Variants in ARPP21 observed in about 807,000 individuals in gnomAD.
The protein encoded by ARPP21 is cAMP-regulated phosphoprotein 21.
ARPP21 carries 69 observed loss-of-function variants against 113.2 expected under a neutral mutation model. The observed-to-expected ratio is 0.61, with a 90% CI of 0.50 to 0.74. The LOEUF is 0.74. Among genes scored for constraint, ARPP21 ranks in the 30% least tolerant of loss-of-function variants. The pLI is 0.00. For synonymous variants in ARPP21, 368 were observed against 375.5 expected (o/e 0.98, Z 0.23); for missense variants, 1,070 against 1,037.4 (o/e 1.03, Z -0.43).
intron 1 of ARPP21, among the ~76,000 whole-genome samples, chr3:35,646,327 CTCTGCATTTACATGTTTTTCT>C (rs1460007376): frequency 2.0e-5 from 3 of 152,054 alleles, no homozygotes; most frequent in African/African-American, 7.2e-5. Flanking sequence ...AAAAACTATA[CTCTGCATTTACATGTTTTTCT>C]TAGTGTTTTG....
rs540217296 is a variant in ARPP21 at position 35,671,246 on chromosome 3, G to C, written c.-212-8541G>C. On this transcript the variant is annotated intron_variant, in intron 1 of 20. Coordinates refer to ENST00000684406, the MANE Select transcript of ARPP21 (RefSeq NM_001385562.1). Reference sequence around the variant, plus strand: ...ACACCCATTCTCAGGTAGTTTTGTTGTTATTCTCTTGCGTTTTCCATTTAA... The same window carrying C: ...ACACCCATTCTCAGGTAGTTTTGTTCTTATTCTCTTGCGTTTTCCATTTAA... Among the ~76,000 whole-genome samples the C allele has an allele frequency of 1.2e-4, 18 of 152,174 alleles. No individual in the cohort carries two copies. The South Asian group carries it at 3.7e-3, about 32-fold the overall frequency.
In ARPP21 at chr3:35,761,455, G is replaced by A. The variant is rs1046408267; in HGVS notation, c.2137+17490G>A. ...GTAACCCCACACACATGAAGACAGGGCTGTTTATTTGGGAACAGCCCTCCT... is the reference window on the plus strand; with the variant it reads ...GTAACCCCACACACATGAAGACAGGACTGTTTATTTGGGAACAGCCCTCCT... On this transcript the variant is annotated intron_variant, in intron 19 of 20. Transcript: ENST00000684406. 7.2e-5 allele frequency among the ~76,000 whole-genome samples: 11 copies of A among 152,004 alleles called. No individual in the cohort carries two copies. The East Asian group carries it at 2.1e-3, about 29-fold the overall frequency.
chr3:35,783,882 C>CTCTT (rs1559954700), intron 19 of ARPP21, among the ~76,000 whole-genome samples: 10 of 152,100 alleles, frequency 6.6e-5, no homozygotes, highest in Non-Finnish European at 1.3e-4. Context: ...CATGCTGATC[C>CTCTT]TTATGTTTAT....
chr3:35,744,184 C>T (rs973597574), intron 19 of ARPP21, among the ~76,000 whole-genome samples: 7 of 152,246 alleles, frequency 4.6e-5, no homozygotes, highest in Non-Finnish European at 1.0e-4. Context: ...GCATGTTAAA[C>T]AGTCTCCATA....
intron 18 of ARPP21, among the ~76,000 whole-genome samples, chr3:35,741,452 G>T (rs533432204): frequency 6.6e-6 from 1 of 152,274 alleles, no homozygotes; most frequent in South Asian, 2.1e-4. Flanking sequence ...ACTTAGTTCA[G>T]ATTCAGCCCA....
chr3:35,774,672 G>T (rs2096301241), intron 19 of ARPP21: 1 of 152,288 alleles, frequency 6.6e-6, no homozygotes, highest in South Asian at 2.1e-4. Flanking sequence ...GCTTCCAGAA[G>T]AAACCAGAGA....
chr3:35,641,105 A>G (rs191863085), intron 1 of ARPP21: 98 of 152,338 alleles, frequency 6.4e-4, no homozygotes, highest in African/African-American at 1.8e-3. Context: ...ATTGAAAGTT[A>G]TAGGGGTGGG....
chr3:35,768,165 G>A (rs2096060127), intron 19 of ARPP21, among the ~76,000 whole-genome samples: 1 of 149,676 alleles, frequency 6.7e-6, no homozygotes, highest in Admixed American at 6.8e-5. Flanking sequence ...AGGATGGAGA[G>A]GATAGGCTTG....
At chr3:35,726,432 G>A (rs528925532) in intron 14 of ARPP21, among the ~76,000 whole-genome samples, 1 of 152,330 alleles carries the variant, frequency 6.6e-6, no homozygotes, top group East Asian at 1.9e-4. Context: ...CTGGCCATAT[G>A]TTGATTGCTG....
At chr3:35,782,592 G>A (rs1403387494) in intron 19 of ARPP21, among the ~76,000 whole-genome samples, 1 of 152,016 alleles carries the variant, frequency 6.6e-6, no homozygotes, top group Non-Finnish European at 1.5e-5. Flanking sequence ...AGAGCTACTA[G>A]ATGATTCAGA....
At chr3:35,735,019 A>G (rs2094251571) in intron 15 of ARPP21, among the ~76,000 whole-genome samples, 1 of 152,202 alleles carries the variant, frequency 6.6e-6, no homozygotes, top group Non-Finnish European at 1.5e-5. Flanking sequence ...TTCCCATGTT[A>G]TAACAGTCTG....
chr3:35,720,166 A>G (rs1181912480), intron 13 of ARPP21, among the ~76,000 whole-genome samples: 1 of 143,062 alleles, frequency 7.0e-6, no homozygotes, highest in Non-Finnish European at 1.6e-5. Flanking sequence ...ATATTAATAG[A>G]GGATGGAGGG....
intron 9 of ARPP21, among the ~76,000 whole-genome samples, chr3:35,698,976 A>G (rs920046654): frequency 1.3e-5 from 2 of 151,688 alleles, no homozygotes; most frequent in South Asian, 2.1e-4. Flanking sequence ...GATGAAAATC[A>G]TTTCTCAAGT....
chr3:35,639,470 G>C (rs1240889176), upstream of ARPP21: 1 of 152,096 alleles, frequency 6.6e-6, no homozygotes, highest in Non-Finnish European at 1.5e-5. The surrounding 1 kb of genome is among the most constrained non-coding windows in gnomAD (Gnocchi z 5.0). Flanking sequence ...GGAGCCGGGC[G>C]CCGCCCCCGG....
intron 15 of ARPP21, among the ~76,000 whole-genome samples, chr3:35,731,089 G>C (rs1345290525): frequency 6.6e-5 from 10 of 152,134 alleles, no homozygotes; most frequent in Non-Finnish European, 1.3e-4. Context: ...ACTTTTAATT[G>C]AGATAGAGGG....
chr3:35,660,296 T>A (rs1326803869), intron 1 of ARPP21, among the ~76,000 whole-genome samples: 1 of 152,194 alleles, frequency 6.6e-6, no homozygotes, highest in African/African-American at 2.4e-5. Context: ...ATGGTATCTA[T>A]AAATGATCGG....
intron 15 of ARPP21, 152 bp downstream of exon 15, chr3:35,729,688 G>A (rs1324922027): frequency 9.3e-6 from 6 of 645,576 alleles, no homozygotes; most frequent in African/African-American, 1.8e-5. Context: ...TTTAGAAAGA[G>A]CAGATTTACA....
intron 9 of ARPP21, among the ~76,000 whole-genome samples, chr3:35,698,679 CA>C (rs2085036864): frequency 6.6e-6 from 1 of 151,570 alleles, no homozygotes; most frequent in Non-Finnish European, 1.5e-5. Flanking sequence ...GAGGAATTAA[CA>C]TTAACAGGCT....
chr3:35,746,640 G>GATT (rs574533337), intron 19 of ARPP21, among the ~76,000 whole-genome samples: 3 of 152,162 alleles, frequency 2.0e-5, no homozygotes, highest in Non-Finnish European at 4.4e-5. Flanking sequence ...AATGACACCA[G>GATT]ATTATGTCAT....
Sources: allele counts gnomAD v4.1 joint callset (sites outside exome capture counted in the v4.1 genomes callset), GRCh38; gene constraint gnomAD v4.1.1; non-coding constraint Gnocchi (gnomAD v3.1); transcripts MANE v1.5; gene names NCBI Gene and HGNC (gene_info 2026-07-23, HGNC 2026-07-21).